QRSL1: variants seen among roughly 807,000 people sequenced by gnomAD.
QRSL1 encodes glutamyl-tRNA(Gln) amidotransferase subunit A, mitochondrial.
In QRSL1, 54 loss-of-function variants were observed where a neutral mutation model predicts 61.6. The observed-to-expected ratio is 0.88, with a 90% CI of 0.70 to 1.10. The LOEUF (loss-of-function observed/expected upper bound fraction) is 1.10. QRSL1 is among the 50% of genes least tolerant of loss of function. The pLI is 0.00. For missense variants in QRSL1, 505 were observed against 622.6 expected, an observed-to-expected ratio of 0.81 and a Z score of 2.01; for synonymous variants, 228 against 225.7, an observed-to-expected ratio of 1.01 and a Z score of -0.09.
chr6:106,630,962 C>T (rs757860007), intron 1 of QRSL1, among the ~76,000 whole-genome samples: 2 of 152,202 alleles, frequency 1.3e-5, no homozygotes, highest in Admixed American at 1.3e-4. Context: ...CGCGGTGGCT[C>T]ACGCCTGTAA....
Position 106,665,835 on chromosome 6 carries a change from G to A in QRSL1, c.1420G>A (p.Gly474Arg). ...VALSNQGLPI[G>R]LQFIGRAFCD... ...ACTCTCAAACCAAGGGTTGCCAATAGGACTGCAGTTTATTGGACGTGCGTT... is the reference window on the plus strand; with the variant it reads ...ACTCTCAAACCAAGGGTTGCCAATAAGACTGCAGTTTATTGGACGTGCGTT... Residue 474 changes from glycine to arginine, a missense_variant, in exon 11 of 11, where the codon GGA becomes AGA. Gly to Arg is a moderately radical substitution (Grantham distance 125). Transcript: ENST00000369046. 1 of 1,613,926 alleles carries A rather than the reference G, an allele frequency of 6.2e-7. No individual in the cohort carries two copies. The highest frequency in any genetic ancestry group is 1.1e-5 in the South Asian group (1 of 91,072).
At chr6:106,632,364 ATTTT>A (rs1358932756) in intron 1 of QRSL1, among the ~76,000 whole-genome samples, 1 of 151,662 alleles carries the variant, frequency 6.6e-6, no homozygotes, top group African/African-American at 2.4e-5. Flanking sequence ...TGGTAGTTCT[ATTTT>A]TATTTATTTA....
intron 5 of QRSL1, among the ~76,000 whole-genome samples, chr6:106,650,524 TATTTTTGATTTGTTTACCC>T (rs142058312): frequency 0.1 from 15,678 of 151,914 alleles, 1,161 homozygotes; most frequent in African/African-American, 0.2. Context: ...TTTGTTTCCT[TATTTTTGATTTGTTTACCC>T]CTTTTTGATT....
intron 10 of QRSL1, among the ~76,000 whole-genome samples, chr6:106,664,116 A>T (rs1013169258): frequency 3.9e-5 from 6 of 152,226 alleles, no homozygotes; most frequent in Admixed American, 3.9e-4. Context: ...TTGAAGAATA[A>T]TTTAAATATG....
Position 106,640,355 on chromosome 6 carries a change from G to A in QRSL1, c.31G>A (p.Ala11Thr). Reference sequence around the variant, plus strand: ...TGAATTGTATACACTATAGGTTTCTGCGGCACTGAAACAAGGCCAAATTAC... The same window carrying A: ...TGAATTGTATACACTATAGGTTTCTACGGCACTGAAACAAGGCCAAATTAC... MLGRSLREVS[A>T]ALKQGQITPT... Residue 11 changes from alanine (A) to threonine (T), a missense_variant, in exon 2 of 11, where the codon GCG (alanine) becomes ACG (threonine). Ala to Thr is a moderately conservative substitution (Grantham distance 58). Coordinates refer to ENST00000369046, the MANE Select transcript of QRSL1 (RefSeq NM_018292.5). The A allele has an allele frequency of 6.2e-7, 1 of 1,605,080 alleles. No homozygotes were observed.
intron 9 of QRSL1, among the ~76,000 whole-genome samples, chr6:106,656,509 A>G (rs187594901): frequency 2.4e-4 from 36 of 152,360 alleles, no homozygotes; most frequent in Admixed American, 2.1e-3. Context: ...TTCATCTTCT[A>G]TACCACCAAG....
chr6:106,652,755 G>A lies in QRSL1; in HGVS notation c.849+173G>A, dbSNP rs373265764. The A allele has an allele frequency of 9.4e-5, 143 of 1,515,446 alleles. 2 individuals are homozygous for A. In the East Asian group the frequency reaches 2.6e-3, roughly 28 times the overall value. 93.9% of individuals were successfully genotyped at this position (1,515,446 alleles called of 1,614,324 possible). ...CTCAATTTCCCCATCTGTAAAATAG[G>A]AATAATAAAAATACTGACTTCAGAG... On this transcript the variant is annotated intron_variant, in intron 7 of 10. Transcript: ENST00000369046.
chr6:106,664,886 A>C (rs1190729578), intron 10 of QRSL1, among the ~76,000 whole-genome samples: 1 of 152,190 alleles, frequency 6.6e-6, no homozygotes, highest in Non-Finnish European at 1.5e-5. Flanking sequence ...AATTATCTTG[A>C]ACCCAGTTTT....
chr6:106,652,433 T>C (rs1461697593), intron 6 of QRSL1, 34 bp from the exon 7 acceptor site: 3 of 1,613,604 alleles, frequency 1.9e-6, no homozygotes, highest in South Asian at 2.2e-5. Context: ...TATAAAACAA[T>C]ATATCTGTCA....
rs1462104196 is a variant in QRSL1 at position 106,663,212 on chromosome 6, T to G, written c.1366+27T>G. The G allele has an allele frequency of 2.5e-6, 4 of 1,605,880 alleles. No homozygotes were observed. The Admixed American group carries it at 5.0e-5, about 20-fold the overall frequency. On this transcript the variant is annotated intron_variant, in intron 10 of 10. Coordinates refer to ENST00000369046, the MANE Select transcript of QRSL1 (RefSeq NM_018292.5). ...TGAGGATTCCTCAGGAACATTCTGA[T>G]TTTCTTCAAATTCTTAGGCAGGTAC... is the stretch of plus-strand genomic sequence containing the variant.
chr6:106,645,676 C>T (rs1777095894), intron 4 of QRSL1, among the ~76,000 whole-genome samples: 1 of 152,230 alleles, frequency 6.6e-6, no homozygotes, highest in African/African-American at 2.4e-5. Context: ...CCGCCTCGTC[C>T]TCCCAAAGTG....
chr6:106,630,246 G>A (rs1047859615), intron 1 of QRSL1, among the ~76,000 whole-genome samples: 1 of 152,078 alleles, frequency 6.6e-6, no homozygotes, highest in East Asian at 1.9e-4. Flanking sequence ...AATGCTTTCT[G>A]GGCAGTTCTT....
Position 106,652,297 on chromosome 6 carries a change from T to G in QRSL1, c.646T>G (p.Ser216Ala). Reference protein sequence around the residue: ...VGFKPSYGLVSRHGLIPLVNS... With the variant: ...VGFKPSYGLVARHGLIPLVNS... Reference sequence around the variant, plus strand: ...TTTCAAACCAAGCTATGGCTTAGTTTCCCGTCATGGTCTCATTCCCCTGGT... The same window carrying G: ...TTTCAAACCAAGCTATGGCTTAGTTGCCCGTCATGGTCTCATTCCCCTGGT... The change falls in exon 6 of 11, where the codon TCC (serine) becomes GCC (alanine). Residue 216 changes from serine (S) to alanine (A), a missense_variant. Transcript: ENST00000369046. The G allele has an allele frequency of 6.2e-7, 1 of 1,614,232 alleles. No homozygotes were observed. Among genetic ancestry groups the G allele is most frequent in the Non-Finnish European group, 8.5e-7 (1 of 1,180,032 alleles).
At chr6:106,649,680 G>A (rs1777165302) in intron 5 of QRSL1, among the ~76,000 whole-genome samples, 1 of 152,060 alleles carries the variant, frequency 6.6e-6, no homozygotes, top group Admixed American at 6.6e-5. Flanking sequence ...ATTTTAAATA[G>A]TGTTTTCAGG....
chr6:106,654,059 A>G (rs928100805), intron 7 of QRSL1, among the ~76,000 whole-genome samples: 7 of 152,120 alleles, frequency 4.6e-5, no homozygotes, highest in African/African-American at 1.4e-4. Context: ...ATCTTTGAAA[A>G]TCATCTAACA....
intron 1 of QRSL1, among the ~76,000 whole-genome samples, chr6:106,631,504 AGTT>A: frequency 6.6e-6 from 1 of 152,220 alleles, no homozygotes; most frequent in Admixed American, 6.5e-5. Flanking sequence ...ATTTTGAATC[AGTT>A]ATCCTTGGCC....
intron 2 of QRSL1, 24 bp downstream of exon 2, chr6:106,640,532 A>C (rs1346409406): frequency 1.3e-6 from 2 of 1,504,064 alleles, no homozygotes. Context: ...AACTATACTT[A>C]ATTGTTATAT....
At chr6:106,647,605 G>C (rs1356619341) in intron 4 of QRSL1, among the ~76,000 whole-genome samples, 1 of 145,172 alleles carries the variant, frequency 6.9e-6, no homozygotes, top group Non-Finnish European at 1.5e-5. Context: ...TGGAAGACCT[G>C]ACTCTAGATT....
Position 106,667,708 on chromosome 6 carries a change from A to C in QRSL1, c.*1706A>C, listed in dbSNP as rs1176675508. On this transcript the variant is annotated 3_prime_UTR_variant, in exon 11 of 11. Coordinates refer to ENST00000369046, the MANE Select transcript of QRSL1 (RefSeq NM_018292.5). ...TACTCAACCTGATTAACTTCACATA[A>C]AAGTCTTATGTGCCAGGCTTAGTAA... is the stretch of plus-strand genomic sequence containing the variant. The C allele has an allele frequency of 1.3e-5, 2 of 152,080 alleles. No individual in the cohort carries two copies. Among genetic ancestry groups the C allele is most frequent in the African/African-American group, 4.8e-5 (2 of 41,420 alleles). The allele number at this position is 152,080 out of a possible 1,614,324, so 9.4% of individuals were successfully genotyped here.
Sources: gnomAD v4.1 joint callset for allele counts (sites outside exome capture counted in the v4.1 genomes callset) on GRCh38, gnomAD v4.1.1 for gene constraint, MANE v1.5 for transcripts, NCBI Gene and HGNC (gene_info 2026-07-23, HGNC 2026-07-21) for gene names.